SHB: variants seen among roughly 807,000 people sequenced by gnomAD.
SHB encodes the protein SH2 domain-containing adapter protein B.
SHB carries 20 observed loss-of-function variants against 52.3 expected under a neutral mutation model. The ratio of observed to expected loss-of-function variants is 0.38; its 90% CI spans 0.27 to 0.56. The LOEUF is 0.56. SHB is among the 20% of genes least tolerant of loss of function. The probability of loss-of-function intolerance (pLI) is 0.71; values close to 1 mark genes in which losing one functional copy is unlikely to be tolerated. For missense variants in SHB, 825 were observed against 723.3 expected (o/e 1.14, Z -1.61); for synonymous variants, 397 against 316.5 (o/e 1.25, Z -2.70).
chr9:37,974,733 T>G lies in SHB; in HGVS notation c.943A>C (p.Thr315Pro), dbSNP rs777238558. The G allele has an allele frequency of 3.7e-6, 6 of 1,613,980 alleles. No individual in the cohort carries two copies. The highest frequency in any genetic ancestry group is 1.3e-5 in the African/African-American group (1 of 74,928). The change falls in exon 3 of 6, where the codon ACA (threonine) becomes CCA (proline). Residue 315 changes from threonine to proline, a missense_variant. Thr to Pro is a conservative substitution (Grantham distance 38). Transcript: ENST00000377707. ...CTCTCCCGCAGTCGGGGGCTGACTG[T>G]GCTCTCCGAGTCTGAGTCAACACTT... is the stretch of plus-strand genomic sequence containing the variant. ...GQSVDSDSES[T>P]VSPRLRESKL...
At position 37,988,422 on chromosome 9, in the gene SHB, T is replaced by G. The variant is rs1205866092; in HGVS notation, c.839-13585A>C. Among the ~76,000 whole-genome samples, 5 of 152,128 alleles carry G rather than the reference T, an allele frequency of 3.3e-5. No individual in the cohort carries two copies. The East Asian group carries it at 9.7e-4, about 29-fold the overall frequency. On this transcript the variant is annotated intron_variant, in intron 2 of 5. Transcript: ENST00000377707. ...CAAAGAGTGGATATTCACACCGGCT[T>G]CTTCTTGTAACTTGCTAATGCTGTG...
intron 1 of SHB, among the ~76,000 whole-genome samples, chr9:38,066,742 C>T (rs1821967659): frequency 6.6e-5 from 10 of 152,122 alleles, no homozygotes. Flanking sequence ...TTCCCTTCCT[C>T]CTCTCTCCTG....
chr9:38,052,210 C>G (rs568200556), intron 1 of SHB, among the ~76,000 whole-genome samples: 1 of 152,060 alleles, frequency 6.6e-6, no homozygotes, highest in Non-Finnish European at 1.5e-5. Flanking sequence ...CAGCCCCCTC[C>G]CCATCTCCTT....
intron 3 of SHB, among the ~76,000 whole-genome samples, chr9:37,972,717 T>C (rs1820606109): frequency 6.6e-6 from 1 of 152,108 alleles, no homozygotes; most frequent in African/African-American, 2.4e-5. Flanking sequence ...GGAAGGGCAT[T>C]TTAGCTAGAA....
rs1170203466 is a variant in SHB at position 38,042,152 on chromosome 9, A to G, written c.717+25777T>C. 8.5e-5 allele frequency among the ~76,000 whole-genome samples: 13 copies of G among 152,174 alleles called. 1 individual carries two copies. Among genetic ancestry groups the G allele is most frequent in the Non-Finnish European group, 2.9e-5 (2 of 68,040 alleles). ...TCTGTCCTGTGCCGGGTCACCAAGT[A>G]TGTTACTTAAACCCTCTGTGCCCCT... On this transcript the variant is annotated intron_variant, in intron 1 of 5. Coordinates refer to ENST00000377707, the MANE Select transcript of SHB (RefSeq NM_003028.3).
intron 3 of SHB, among the ~76,000 whole-genome samples, chr9:37,966,890 CT>C (rs1295921622): frequency 6.6e-6 from 1 of 152,220 alleles, no homozygotes; most frequent in African/African-American, 2.4e-5. Context: ...GTTAAACCAG[CT>C]TCAGAGCGAC....
chr9:38,005,214 G>C (rs1821063943), intron 2 of SHB, among the ~76,000 whole-genome samples: 1 of 152,218 alleles, frequency 6.6e-6, no homozygotes, highest in South Asian at 2.1e-4. Context: ...GTTGAGGCTT[G>C]GGCTTGGGAG....
chr9:37,948,882 T>C (rs1322526076), intron 4 of SHB, 128 bp from the exon 5 acceptor site: 1 of 1,253,204 alleles, frequency 8.0e-7, no homozygotes, highest in East Asian at 2.5e-5. Flanking sequence ...GTTCATTCCA[T>C]GGGTACCCAC....
intron 1 of SHB, among the ~76,000 whole-genome samples, chr9:38,037,451 T>C (rs550135298): frequency 6.6e-6 from 1 of 152,306 alleles, no homozygotes; most frequent in East Asian, 1.9e-4. Flanking sequence ...CTCTGATCAC[T>C]GCATGTTCAA....
At chr9:37,950,121 A>G (rs1832547770) in intron 4 of SHB, among the ~76,000 whole-genome samples, 1 of 152,088 alleles carries the variant, frequency 6.6e-6, no homozygotes, top group South Asian at 2.1e-4. Context: ...AATCTTTTCT[A>G]GAGACAGGGT....
At chr9:38,020,063 A>G (rs1202774106) in intron 1 of SHB, among the ~76,000 whole-genome samples, 2 of 152,232 alleles carry the variant, frequency 1.3e-5, no homozygotes, top group Non-Finnish European at 2.9e-5. Flanking sequence ...AGGGTCTGGG[A>G]GATGCACACT....
chr9:38,028,972 G>T (rs577679416), intron 1 of SHB, among the ~76,000 whole-genome samples: 2 of 152,294 alleles, frequency 1.3e-5, no homozygotes, highest in African/African-American at 4.8e-5. Flanking sequence ...CAGGGCCAGG[G>T]CATGGACAAG....
intron 1 of SHB, among the ~76,000 whole-genome samples, chr9:38,023,479 C>T (rs576148957): frequency 6.6e-6 from 1 of 152,320 alleles, no homozygotes; most frequent in South Asian, 2.1e-4. Context: ...GGCAAAAGCA[C>T]TTTCAGGCAG....
chr9:37,939,991 C>T (rs1832417199), intron 5 of SHB, among the ~76,000 whole-genome samples: 1 of 152,188 alleles, frequency 6.6e-6, no homozygotes, highest in South Asian at 2.1e-4. Context: ...AGAGAGTAAA[C>T]AGAGGGCTCA....
rs141111098 is a variant in SHB, at chr9:38,065,032, T to C, written c.717+2897A>G. On this transcript the variant is annotated intron_variant, in intron 1 of 5. Coordinates refer to ENST00000377707, the MANE Select transcript of SHB (RefSeq NM_003028.3). ...CAGGAGGCTAAGGCGGGAGGATTGC[T>C]TGAGGCTGGGAGGTTGAGGCTGCAG... Among the ~76,000 whole-genome samples the C allele has an allele frequency of 7.6e-3, 1,164 of 152,252 alleles. 16 individuals are homozygous for C. Among genetic ancestry groups the C allele is most frequent in the African/African-American group, 0.027 (1,132 of 41,560 alleles).
intron 2 of SHB, among the ~76,000 whole-genome samples, chr9:38,006,778 A>G (rs760257498): frequency 6.6e-6 from 1 of 152,078 alleles, no homozygotes; most frequent in African/African-American, 2.4e-5. Flanking sequence ...ACCAATGGCA[A>G]CCCTCAGGGC....
chr9:37,985,253 G>C (rs571945987), intron 2 of SHB, among the ~76,000 whole-genome samples: 1 of 152,370 alleles, frequency 6.6e-6, no homozygotes, highest in Admixed American at 6.5e-5. Flanking sequence ...TCTGGAGTCA[G>C]GGTGCCTGGG....
chr9:37,968,840 C>T (rs1820561452), intron 3 of SHB, among the ~76,000 whole-genome samples: 1 of 152,184 alleles, frequency 6.6e-6, no homozygotes, highest in Admixed American at 6.5e-5. Flanking sequence ...TCCAGCTGTT[C>T]CCTTCTCCAC....
At chr9:37,988,825 C>A (rs1029077066) in intron 2 of SHB, among the ~76,000 whole-genome samples, 3 of 152,208 alleles carry the variant, frequency 2.0e-5, no homozygotes, top group African/African-American at 7.2e-5. Context: ...AAAGGTGGAC[C>A]TTCTCCCGAG....
Sources: allele counts gnomAD v4.1 joint callset (sites outside exome capture counted in the v4.1 genomes callset), GRCh38; gene constraint gnomAD v4.1.1; transcripts MANE v1.5; gene names NCBI Gene and HGNC (gene_info 2026-07-23, HGNC 2026-07-21).